TRPM8: variants seen among roughly 807,000 people sequenced by gnomAD.
The protein encoded by TRPM8 is transient receptor potential cation channel subfamily M member 8, also known as TRPM8 cationic channel.
A neutral mutation model predicts 133.7 loss-of-function variants in TRPM8; 110 were observed. The ratio of observed to expected loss-of-function variants is 0.82; its 90% CI spans 0.70 to 0.96. TRPM8 has a LOEUF of 0.96. Among genes scored for constraint, TRPM8 ranks in the 40% least tolerant of loss-of-function variants. The probability of loss-of-function intolerance (pLI) is 0.00; values close to 1 mark genes in which losing one functional copy is unlikely to be tolerated. For missense variants in TRPM8, 1,291 were observed against 1,379.5 expected (o/e 0.94, Z 1.02); for synonymous variants, 535 against 532.3 (o/e 1.01, Z -0.07).
chr2:233,999,781 G>C (rs564089763), intron 22 of TRPM8, among the ~76,000 whole-genome samples: 3 of 152,230 alleles, frequency 2.0e-5, no homozygotes, highest in Admixed American at 2.0e-4. Context: ...TTGATGCCTC[G>C]AACAATTTAG....
chr2:233,951,999 C>G (rs188187190), intron 9 of TRPM8, among the ~76,000 whole-genome samples: 6 of 152,322 alleles, frequency 3.9e-5, no homozygotes, highest in Admixed American at 3.9e-4. Flanking sequence ...ACTGGGCTCA[C>G]ACCTTCCTCT....
At chr2:233,997,857 C>G (rs983500528) in intron 22 of TRPM8, among the ~76,000 whole-genome samples, 1 of 152,170 alleles carries the variant, frequency 6.6e-6, no homozygotes, top group African/African-American at 2.4e-5. Context: ...CTCCCTACCC[C>G]TGAAGTGGTA....
At chr2:233,923,884 T>C (rs913531635) in intron 1 of TRPM8, among the ~76,000 whole-genome samples, 9 of 152,140 alleles carry the variant, frequency 5.9e-5, no homozygotes, top group Non-Finnish European at 1.2e-4. Context: ...TTACAATCAA[T>C]GTGAAAATTT....
Position 233,947,155 on chromosome 2 carries a change from A to T in TRPM8, c.942A>T (p.Lys314Asn), listed in dbSNP as rs202061896. 1 of 1,614,046 alleles carries T rather than the reference A, an allele frequency of 6.2e-7. No individual in the cohort carries two copies. The highest frequency in any genetic ancestry group is 8.5e-7 in the Non-Finnish European group (1 of 1,179,878). Reference protein sequence around the residue: ...FAQGGGKETLKAINTSIKNKI... With the variant: ...FAQGGGKETLNAINTSIKNKI... ...AAGGAGGTGGAAAAGAGACTTTGAA[A>T]GTGAGTCCTGATTTAGTTTTCTAGA... The change falls in exon 8 of 26, where the codon AAA (lysine) becomes AAT (asparagine). Residue 314 changes from lysine (K) to asparagine (N), a missense_variant and splice_region_variant. Around this residue, in one of 2 missense-constraint regions of TRPM8, gnomAD observed 963 missense variants for 968.9 expected, o/e 0.99. Transcript: ENST00000324695.
chr2:233,943,954 C>G (rs1293350267), intron 6 of TRPM8, among the ~76,000 whole-genome samples: 2 of 151,494 alleles, frequency 1.3e-5, no homozygotes, highest in East Asian at 3.9e-4. Context: ...ATATAAGGGG[C>G]AGGGGAGAGT....
Position 233,993,067 on chromosome 2 carries a change from A to G in TRPM8, c.2940-3259A>G, listed in dbSNP as rs184691070. On this transcript the variant is annotated intron_variant, in intron 21 of 25. Coordinates refer to ENST00000324695, the MANE Select transcript of TRPM8 (RefSeq NM_024080.5). ...AAAGAACATTTTGGAAGCTGCTGCC[A>G]TATGGGTCAGCTGTACCTCGGTGTA... 9.8e-5 allele frequency among the ~76,000 whole-genome samples: 15 copies of G among 152,350 alleles called. No individual in the cohort carries two copies. The East Asian group carries it at 2.7e-3, about 27-fold the overall frequency.
At chr2:234,013,710 A>G (rs1351244750) in intron 24 of TRPM8, 2 of 152,176 alleles carry the variant, frequency 1.3e-5, no homozygotes, top group African/African-American at 2.4e-5. Flanking sequence ...CTCTTTCAAA[A>G]GCTCCTATAG....
At chr2:233,920,473 T>A (rs1691385904) in intron 1 of TRPM8, among the ~76,000 whole-genome samples, 1 of 152,222 alleles carries the variant, frequency 6.6e-6, no homozygotes, top group African/African-American at 2.4e-5. Flanking sequence ...TCCTTAGCTA[T>A]CTCTCTGTGA....
intron 17 of TRPM8, among the ~76,000 whole-genome samples, chr2:233,977,115 C>T (rs1350632541): frequency 2.0e-5 from 3 of 152,094 alleles, no homozygotes; most frequent in Non-Finnish European, 2.9e-5. Flanking sequence ...ATGCAGATGT[C>T]GAAATGCTGA....
chr2:233,959,944 ATTTTTTT>A (rs536486454), intron 11 of TRPM8, among the ~76,000 whole-genome samples: 3 of 134,914 alleles, frequency 2.2e-5, no homozygotes, highest in African/African-American at 8.0e-5. Context: ...ACCACACCTA[ATTTTTTT>A]TTTTTTTTTT....
chr2:233,928,576 T>G (rs735551), intron 2 of TRPM8, among the ~76,000 whole-genome samples: 32,898 of 152,156 alleles, frequency 0.22, 5,486 homozygotes, highest in African/African-American at 0.46. Flanking sequence ...TAAGTAGACT[T>G]GAAATTAGTT....
intron 25 of TRPM8, among the ~76,000 whole-genome samples, chr2:234,014,988 T>C (rs1290840987): frequency 6.6e-6 from 1 of 152,216 alleles, no homozygotes; most frequent in Non-Finnish European, 1.5e-5. Flanking sequence ...CTGTTCCAAG[T>C]TCTGTTATTT....
At chr2:233,944,385 T>A (rs1208943453) in intron 6 of TRPM8, among the ~76,000 whole-genome samples, 1 of 152,210 alleles carries the variant, frequency 6.6e-6, no homozygotes, top group Non-Finnish European at 1.5e-5. Flanking sequence ...GCAGTGCATA[T>A]GTTAATTCAC....
intron 22 of TRPM8, among the ~76,000 whole-genome samples, chr2:234,001,294 T>G (rs1692557312): frequency 6.6e-6 from 1 of 152,150 alleles, no homozygotes; most frequent in Admixed American, 6.5e-5. Context: ...CCTGATTGTG[T>G]GGTTTTTCTT....
At chr2:233,953,167 C>T (rs1213023119) in intron 9 of TRPM8, among the ~76,000 whole-genome samples, 1 of 152,194 alleles carries the variant, frequency 6.6e-6, no homozygotes, top group Non-Finnish European at 1.5e-5. Context: ...TTCTAATTTC[C>T]AAATCCAAGG....
chr2:233,929,427 T>A (rs1691639145), intron 2 of TRPM8, among the ~76,000 whole-genome samples: 1 of 152,138 alleles, frequency 6.6e-6, no homozygotes, highest in Admixed American at 6.5e-5. Context: ...AGAAGGGACA[T>A]CCCCCTTTGC....
chr2:233,960,875 C>A lies in TRPM8; in HGVS notation c.1462C>A (p.Leu488Ile). The A allele has an allele frequency of 6.2e-7, 1 of 1,614,204 alleles. No homozygotes were observed. Among genetic ancestry groups the A allele is most frequent in the East Asian group, 2.2e-5 (1 of 44,874 alleles). ...LENGLNLRKF[L>I]THDVLTELFS... is the part of the protein sequence containing the mutation. The stretch of plus-strand genomic sequence containing the variant: ...GAATGGCTTGAACCTACGGAAGTTT[C>A]TCACCCATGATGTCCTCACTGAACT... Residue 488 changes from leucine to isoleucine, a missense_variant, in exon 12 of 26, where the codon CTC (leucine) becomes ATC (isoleucine). This residue lies in a region of TRPM8 where 963 missense variants were observed against 968.9 expected (regional missense o/e 0.99). Coordinates refer to ENST00000324695, the MANE Select transcript of TRPM8 (RefSeq NM_024080.5).
Position 233,966,770 on chromosome 2 carries a change from G to T in TRPM8, c.2025+15G>T. 2 of 1,534,682 alleles carry T rather than the reference G, an allele frequency of 1.3e-6. No homozygotes were observed. Among genetic ancestry groups the T allele is most frequent in the Non-Finnish European group, 1.8e-6 (2 of 1,135,736 alleles). On this transcript the variant is annotated intron_variant, in intron 15 of 25. Transcript: ENST00000324695. ...CTGGGGTCCAGGTAAACCATACTCA[G>T]CCACCAGACCACACGGCCAGAAATG...
At chr2:233,932,675 C>T (rs1691704155) in intron 3 of TRPM8, among the ~76,000 whole-genome samples, 2 of 151,982 alleles carry the variant, frequency 1.3e-5, no homozygotes, top group African/African-American at 4.8e-5. Context: ...TGGGCAGCCG[C>T]AGCCCTCAGC....
Sources: gnomAD v4.1 joint callset for allele counts (sites outside exome capture counted in the v4.1 genomes callset) on GRCh38, gnomAD v4.1.1 for gene constraint, gnomAD v4.1.1 regional missense constraint, MANE v1.5 for transcripts, NCBI Gene and HGNC (gene_info 2026-07-23, HGNC 2026-07-21) for gene names.